Variants in DPP8 observed in about 807,000 individuals in gnomAD.
The protein encoded by DPP8 is dipeptidyl peptidase 8, also known as DPP VIII.
Under a neutral mutation model 107.5 loss-of-function variants are expected in DPP8, and 31 were observed. That is an observed-to-expected ratio of 0.29 (90% CI 0.22 to 0.39). The LOEUF is 0.39. Among genes scored for constraint, DPP8 ranks in the 10% least tolerant of loss-of-function variants. The pLI is 1.00. For synonymous variants in DPP8, 381 were observed against 356.6 expected (o/e 1.07, Z -0.77); for missense variants, 842 against 1,076.1 (o/e 0.78, Z 3.04).
Position 65,500,627 on chromosome 15 carries a change from A to G in DPP8, c.525T>C (p.Asp175=). The G allele has an allele frequency of 1.2e-6, 2 of 1,614,078 alleles. No homozygotes were observed. Among genetic ancestry groups the G allele is most frequent in the Non-Finnish European group, 1.7e-6 (2 of 1,179,980 alleles). Residue 175 remains aspartate, a synonymous_variant, in exon 4 of 20, where the codon GAT becomes GAC. Transcript: ENST00000300141. The part of the protein sequence containing the change: ...QAGSGIYHVK[D]GGPQGFTQQP... ...TTACCGTAAATCCTTGTGGCCCTCC[A>G]TCTTTTACGTGATAAATTCCACTAC...
chr15:65,487,785 T>C lies in DPP8; in HGVS notation c.860A>G (p.Tyr287Cys). 2 of 1,580,488 alleles carry C rather than the reference T, an allele frequency of 1.3e-6. No individual in the cohort carries two copies. Among genetic ancestry groups the C allele is most frequent in the Non-Finnish European group, 1.7e-6 (2 of 1,153,480 alleles). ...PSGGKILRIL[Y>C]EENDESEVEI... ...CACCTCAGATTCATCATTTTCTTCA[T>C]ATAGAATTCTAAGAATTTTACCACC... Residue 287 changes from tyrosine to cysteine, a missense_variant, in exon 7 of 20, where the codon TAT (tyrosine) becomes TGT (cysteine). Coordinates refer to ENST00000300141, the MANE Select transcript of DPP8 (RefSeq NM_130434.5).
chr15:65,484,272 G>A (rs2067196298), intron 8 of DPP8, among the ~76,000 whole-genome samples: 1 of 150,840 alleles, frequency 6.6e-6, no homozygotes, highest in Admixed American at 6.6e-5. Flanking sequence ...GCTGAAGTGA[G>A]CCAAGATCAC....
Position 65,517,596 on chromosome 15 carries a change from G to A in DPP8, c.-122C>T, listed in dbSNP as rs1342600723. The A allele has an allele frequency of 1.3e-5, 2 of 152,600 alleles. No homozygotes were observed. The highest frequency in any genetic ancestry group is 2.1e-4 in the South Asian group (1 of 4,842). 9.5% of individuals were successfully genotyped at this position (152,600 alleles called of 1,614,324 possible). A position where few individuals can be genotyped will look rare whatever the true frequency, so the allele number is the denominator to read the frequency against. Reference sequence around the variant, plus strand: ...TCCTGGTTGCAGTGGCTTCCTCGGCGGCGGCGCCGGTGACAACCCAGGCGG... The same window carrying A: ...TCCTGGTTGCAGTGGCTTCCTCGGCAGCGGCGCCGGTGACAACCCAGGCGG... On this transcript the variant is annotated 5_prime_UTR_variant, in exon 1 of 20. Transcript: ENST00000300141.
chr15:65,451,023 C>T lies in DPP8; in HGVS notation c.2502G>A (p.Arg834=), dbSNP rs754837318. The T allele has an allele frequency of 6.2e-7, 1 of 1,604,794 alleles. No homozygotes were observed. Among genetic ancestry groups the T allele is most frequent in the Admixed American group, 1.7e-5 (1 of 59,752 alleles). Residue 834 remains arginine, a synonymous_variant, in exon 19 of 20, where the codon AGG becomes AGA. Transcript: ENST00000300141. The part of the protein sequence containing the change: ...HTSILLSFLV[R]AGKPYDLQIY... The stretch of plus-strand genomic sequence containing the variant: ...CCTGTAAATCATATGGCTTTCCAGC[C>T]CTCACTAAAAAACTCAGTAATATAC...
In DPP8 at chr15:65,445,338, A is replaced by C. The variant is rs979411777; in HGVS notation, c.*1546T>G. On this transcript the variant is annotated 3_prime_UTR_variant, in exon 20 of 20. Transcript: ENST00000300141. Reference sequence around the variant, plus strand: ...TAAAAGTATTGGTAATAACTTTCTAAACACTGAAGTGTGTGATAAAAAGCA... The same window carrying C: ...TAAAAGTATTGGTAATAACTTTCTACACACTGAAGTGTGTGATAAAAAGCA... 1.3e-5 allele frequency: 2 copies of C among 152,196 alleles called. No individual in the cohort carries two copies. The highest frequency in any genetic ancestry group is 1.5e-5 in the Non-Finnish European group (1 of 68,026). 9.4% of individuals were successfully genotyped at this position (152,196 alleles called of 1,614,324 possible).
At chr15:65,488,603 CAAAAAAAAAAAAA>C (rs1166493197) in intron 6 of DPP8, among the ~76,000 whole-genome samples, 1 of 45,288 alleles carries the variant, frequency 2.2e-5, no homozygotes, top group East Asian at 7.7e-4. Context: ...GACCCTGCCT[CAAAAAAAAAAAAA>C]AAAAAAAAAA....
In DPP8 at chr15:65,456,277, C is replaced by T; in HGVS notation, c.2066G>A (p.Arg689Lys). Residue 689 changes from arginine (R) to lysine (K), a missense_variant, in exon 16 of 20, where the codon AGG (arginine) becomes AAG (lysine). By Grantham distance (26) the Arg-to-Lys change is conservative. Transcript: ENST00000300141. Reference sequence around the variant, plus strand: ...TTTAAGCCCTCGGTGACAGGATCCCCTGTTGTCTATCACTACAACCACATA... The same window carrying T: ...TTTAAGCCCTCGGTGACAGGATCCCTTGTTGTCTATCACTACAACCACATA... ...LGYVVVVIDN[R>K]GSCHRGLKFE... The T allele has an allele frequency of 6.2e-7, 1 of 1,614,090 alleles. No homozygotes were observed.
chr15:65,466,982 G>T, intron 13 of DPP8, 89 bp downstream of exon 13: 1 of 1,518,032 alleles, frequency 6.6e-7, no homozygotes, highest in Non-Finnish European at 8.9e-7. Flanking sequence ...TTAGGCTTTT[G>T]CAGGCCAATT....
At chr15:65,462,424 C>A (rs947777890) in intron 15 of DPP8, among the ~76,000 whole-genome samples, 1 of 152,052 alleles carries the variant, frequency 6.6e-6, no homozygotes, top group African/African-American at 2.4e-5. Context: ...TTTCCAGATA[C>A]TAAATAACTG....
At chr15:65,480,799 A>G (rs983950917) in intron 9 of DPP8, among the ~76,000 whole-genome samples, 1 of 152,160 alleles carries the variant, frequency 6.6e-6, no homozygotes. Flanking sequence ...GACCCTGTCT[A>G]TATAAACAAA....
At chr15:65,475,711 A>C (rs2066322643) in intron 11 of DPP8, 1 of 531,102 alleles carries the variant, frequency 1.9e-6, no homozygotes, top group Non-Finnish European at 3.4e-6. Context: ...AAAATAACCC[A>C]GGTAAGTGTT....
Position 65,482,453 on chromosome 15 carries a change from T to C in DPP8, c.1018-838A>G, listed in dbSNP as rs375543540. ...TATACCACCACGCCCAGCTAATTTTTGTATTTTTAGTAGAGACAGGGTTTC... is the reference window on the plus strand; with the variant it reads ...TATACCACCACGCCCAGCTAATTTTCGTATTTTTAGTAGAGACAGGGTTTC... On this transcript the variant is annotated intron_variant, in intron 8 of 19. Coordinates refer to ENST00000300141, the MANE Select transcript of DPP8 (RefSeq NM_130434.5). Among the ~76,000 whole-genome samples, 8 of 152,194 alleles carry C rather than the reference T, an allele frequency of 5.3e-5. No individual in the cohort carries two copies. In the East Asian group the frequency reaches 9.7e-4, roughly 18 times the overall value.
chr15:65,471,613 A>G (rs1385178563), intron 12 of DPP8, among the ~76,000 whole-genome samples: 1 of 151,480 alleles, frequency 6.6e-6, no homozygotes, highest in Non-Finnish European at 1.5e-5. Context: ...TGGCCTCCCA[A>G]AGTGCTGCAA....
At chr15:65,481,944 T>C (rs1355081661) in intron 8 of DPP8, among the ~76,000 whole-genome samples, 1 of 151,728 alleles carries the variant, frequency 6.6e-6, no homozygotes, top group Non-Finnish European at 1.5e-5. Context: ...TAATAGTCCC[T>C]AGTTCCCCAT....
At chr15:65,484,073 A>C (rs1021090381) in intron 8 of DPP8, among the ~76,000 whole-genome samples, 1 of 152,158 alleles carries the variant, frequency 6.6e-6, no homozygotes, top group African/African-American at 2.4e-5. Flanking sequence ...TCATGCCTGT[A>C]ATCCCAGCAC....
chr15:65,512,810 G>C, intron 1 of DPP8: 1 of 463,218 alleles, frequency 2.2e-6, no homozygotes, highest in African/African-American at 2.0e-5. Context: ...CCCTTTGGTA[G>C]CTTTTATAAA....
intron 16 of DPP8, among the ~76,000 whole-genome samples, chr15:65,454,907 G>GGAGATAGGGGCCTAT (rs1314668685): frequency 6.6e-6 from 1 of 152,102 alleles, no homozygotes; most frequent in East Asian, 1.9e-4. Context: ...AAATCTATTT[G>GGAGATAGGGGCCTAT]GAGATAGGGG....
chr15:65,475,728 A>G, intron 11 of DPP8: 1 of 495,500 alleles, frequency 2.0e-6, no homozygotes, highest in African/African-American at 2.0e-5. Context: ...TGTTTACCAT[A>G]GCAAATGTCA....
rs71924792 is a variant in DPP8 at position 65,489,413 on chromosome 15, C to CTTTTTTTTT, written c.826+767_826+775dup. On this transcript the variant is annotated intron_variant, in intron 6 of 19. Coordinates refer to ENST00000300141, the MANE Select transcript of DPP8 (RefSeq NM_130434.5). ...CTTCATTATGATGAAATATAATCTA[C>CTTTTTTTTT]TTTTTTTTTTTTTTTTTTGAGACAG... is the stretch of plus-strand genomic sequence containing the variant. Among the ~76,000 whole-genome samples the CTTTTTTTTT allele has an allele frequency of 4.8e-5, 5 of 104,258 alleles. 1 individual carries two copies. The highest frequency in any genetic ancestry group is 7.6e-5 in the African/African-American group (2 of 26,288). 68.4% of individuals were successfully genotyped at this position (104,258 alleles called of 152,430 possible). A position where few individuals can be genotyped will look rare whatever the true frequency, so the allele number is the denominator to read the frequency against.
Sources: gnomAD v4.1 joint callset for allele counts (sites outside exome capture counted in the v4.1 genomes callset) on GRCh38, gnomAD v4.1.1 for gene constraint, MANE v1.5 for transcripts, NCBI Gene and HGNC (gene_info 2026-07-23, HGNC 2026-07-21) for gene names.